MRPL37: variants seen among roughly 807,000 people sequenced by gnomAD.
The protein encoded by MRPL37 is large ribosomal subunit protein mL37.
Under a neutral mutation model 44.1 loss-of-function variants are expected in MRPL37, and 34 were observed. The observed-to-expected ratio is 0.77, with a 90% CI of 0.59 to 1.03. The LOEUF (loss-of-function observed/expected upper bound fraction) is 1.03, where lower values mean the gene tolerates loss of function less well. MRPL37 is among the 50% of genes least tolerant of loss of function. The pLI, the probability that MRPL37 is intolerant of heterozygous loss-of-function variation, is 0.00. For missense variants in MRPL37, 532 were observed against 543.7 expected, an observed-to-expected ratio of 0.98 and a Z score of 0.21; for synonymous variants, 212 against 219.5, an observed-to-expected ratio of 0.97 and a Z score of 0.30.
At chr1:54,202,029 A>G (rs1201164441) in intron 1 of MRPL37, among the ~76,000 whole-genome samples, 2 of 147,750 alleles carry the variant, frequency 1.4e-5, no homozygotes, top group Non-Finnish European at 3.0e-5. Context: ...TTGAGACAGC[A>G]TCTTGCTGTG....
At chr1:54,205,505 A>C in intron 3 of MRPL37, 95 bp downstream of exon 3, 3 of 945,864 alleles carry the variant, frequency 3.2e-6, no homozygotes, top group Non-Finnish European at 4.9e-6. Flanking sequence ...GCCCCCAAAT[A>C]CCGATCCTTA....
At chr1:54,211,279 T>C (rs1644162748) in intron 4 of MRPL37, among the ~76,000 whole-genome samples, 1 of 152,118 alleles carries the variant, frequency 6.6e-6, no homozygotes, top group South Asian at 2.1e-4. Flanking sequence ...TGGTCAGTTT[T>C]CCTGTCTGTC....
intron 6 of MRPL37, among the ~76,000 whole-genome samples, chr1:54,216,935 C>G (rs140641924): frequency 8.3e-6 from 1 of 121,148 alleles, no homozygotes; most frequent in South Asian, 2.6e-4. Flanking sequence ...GCATTCGTTT[C>G]ATCCCACAGA....
At chr1:54,225,484 A>C, downstream of MRPL37, 1 of 1,147,854 alleles carries the variant, frequency 8.7e-7, no homozygotes, top group Non-Finnish European at 1.1e-6. Context: ...TATCGTACAC[A>C]AACTACAATG....
At chr1:54,221,260 A>C (rs1644231670), downstream of MRPL37, among the ~76,000 whole-genome samples, 2 of 150,204 alleles carry the variant, frequency 1.3e-5, no homozygotes, top group Non-Finnish European at 3.0e-5. Flanking sequence ...TGTTTGGCAG[A>C]GGCTCTGTGA....
intron 5 of MRPL37, among the ~76,000 whole-genome samples, chr1:54,214,823 T>C (rs1387497221): frequency 6.6e-6 from 1 of 152,254 alleles, no homozygotes; most frequent in Non-Finnish European, 1.5e-5. Context: ...ACCTGCAGTT[T>C]TATTGATCTG....
chr1:54,202,046 A>G (rs1277782878), intron 1 of MRPL37, among the ~76,000 whole-genome samples: 1 of 148,992 alleles, frequency 6.7e-6, no homozygotes, highest in East Asian at 2.0e-4. Flanking sequence ...TGTGTTGCCC[A>G]GGCCAGAGTA....
chr1:54,215,447 A>G (rs932848906), intron 5 of MRPL37, among the ~76,000 whole-genome samples: 3 of 152,194 alleles, frequency 2.0e-5, no homozygotes, highest in African/African-American at 7.2e-5. Context: ...AGTAACTAGA[A>G]GAGATCAGTA....
intron 3 of MRPL37, among the ~76,000 whole-genome samples, chr1:54,208,858 G>A (rs1466120518): frequency 1.3e-5 from 2 of 152,060 alleles, no homozygotes; most frequent in Non-Finnish European, 2.9e-5. Flanking sequence ...GTGGGGAGTT[G>A]GGATGGGGAG....
chr1:54,223,944 C>T (rs1644255028), downstream of MRPL37, among the ~76,000 whole-genome samples: 1 of 152,200 alleles, frequency 6.6e-6, no homozygotes, highest in Non-Finnish European at 1.5e-5. Flanking sequence ...TGCACCAGGG[C>T]CATTTGTGTT....
downstream of MRPL37, among the ~76,000 whole-genome samples, chr1:54,218,904 T>A (rs964974592): frequency 6.6e-6 from 1 of 152,256 alleles, no homozygotes; most frequent in African/African-American, 2.4e-5. Context: ...ATTGCATGCC[T>A]AGCATGTGCC....
downstream of MRPL37, chr1:54,218,493 G>T: frequency 1.1e-6 from 1 of 914,536 alleles, no homozygotes; most frequent in East Asian, 2.9e-5. Context: ...CCCATGTTGT[G>T]ATCTTAGATA....
At chr1:54,214,469 T>C (rs1254087830) in intron 5 of MRPL37, among the ~76,000 whole-genome samples, 1 of 152,158 alleles carries the variant, frequency 6.6e-6, no homozygotes, top group Non-Finnish European at 1.5e-5. Flanking sequence ...CTCCGAAAGA[T>C]TAGGTAACTT....
chr1:54,213,115 C>T (rs1233763542), intron 5 of MRPL37, among the ~76,000 whole-genome samples: 9 of 152,194 alleles, frequency 5.9e-5, no homozygotes, highest in African/African-American at 1.4e-4. Flanking sequence ...CCCTGCCTGC[C>T]AACTCAGGAT....
Position 54,212,644 on chromosome 1 carries a change from C to T in MRPL37, c.976C>T (p.Arg326Trp), listed in dbSNP as rs146160180. 3.0e-5 allele frequency: 48 copies of T among 1,614,072 alleles called. No homozygotes were observed. In the South Asian group the frequency reaches 3.5e-4, roughly 12 times the overall value. Residue 326 changes from arginine to tryptophan, a missense_variant, in exon 5 of 7, where the codon CGG becomes TGG. Coordinates refer to ENST00000360840, the MANE Select transcript of MRPL37 (RefSeq NM_016491.4). ...TTTTGGCAGTGCCCTGGCTCAGGCC[C>T]GGCTCCTCTATGGGGTATGTAGGTG... The part of the protein sequence containing the change: ...FAFGSALAQA[R>W]LLYGNDAKVL...
At chr1:54,207,667 G>A (rs747810004) in intron 3 of MRPL37, among the ~76,000 whole-genome samples, 192 of 152,294 alleles carry the variant, frequency 1.3e-3, no homozygotes, top group Non-Finnish European at 1.6e-3. Flanking sequence ...TCTGTGGGGA[G>A]AATGGAAAAC....
downstream of MRPL37, among the ~76,000 whole-genome samples, chr1:54,220,366 C>T (rs1644224205): frequency 6.6e-6 from 1 of 152,180 alleles, no homozygotes; most frequent in African/African-American, 2.4e-5. Context: ...AGCCTGTCCT[C>T]CCAACCCACC....
downstream of MRPL37, chr1:54,225,117 A>G (rs1025995945): frequency 2.4e-6 from 3 of 1,234,194 alleles, no homozygotes; most frequent in Non-Finnish European, 3.0e-6. Context: ...ACCTTTTTCT[A>G]CTTCCAGAAA....
At chr1:54,203,953 C>G (rs899867872) in intron 1 of MRPL37, among the ~76,000 whole-genome samples, 1 of 152,204 alleles carries the variant, frequency 6.6e-6, no homozygotes, top group Non-Finnish European at 1.5e-5. Flanking sequence ...CTTTTGTGCT[C>G]TAGCAGAGTT....
Sources: gnomAD v4.1 joint callset for allele counts (sites outside exome capture counted in the v4.1 genomes callset) on GRCh38, gnomAD v4.1.1 for gene constraint, MANE v1.5 for transcripts, NCBI Gene and HGNC (gene_info 2026-07-23, HGNC 2026-07-21) for gene names.